The following EBNA1BP2 variants were observed in gnomAD, a reference collection of about 807,000 sequenced individuals.
EBNA1BP2 encodes the protein EBNA1 binding protein 2, also known as probable rRNA-processing protein EBP2.
A neutral mutation model predicts 43.5 loss-of-function variants in EBNA1BP2; 36 were observed. The observed-to-expected ratio is 0.83, with a 90% CI of 0.63 to 1.09. The LOEUF is 1.09. Ranked by LOEUF, EBNA1BP2 falls within the 50% of genes least tolerant of loss-of-function variation. EBNA1BP2 has a pLI of 0.00. For synonymous variants in EBNA1BP2, 127 were observed against 141.3 expected, an observed-to-expected ratio of 0.90 and a Z score of 0.72; for missense variants, 332 against 379.1, an observed-to-expected ratio of 0.88 and a Z score of 1.03.
chr1:43,169,175 C>T, intron 4 of EBNA1BP2, 147 bp from the exon 5 acceptor site: 7 of 821,288 alleles, frequency 8.5e-6, no homozygotes, highest in Non-Finnish European at 1.4e-5. Context: ...GACAATGGGG[C>T]CCACAGGCTG....
upstream of EBNA1BP2, chr1:43,172,525 A>T: frequency 8.2e-7 from 1 of 1,219,582 alleles, no homozygotes; most frequent in Non-Finnish European, 1.1e-6. Flanking sequence ...AGGCAGAAAA[A>T]GGAGCCGCGG....
chr1:43,166,175 T>C (rs940796433), intron 7 of EBNA1BP2, among the ~76,000 whole-genome samples: 4 of 152,210 alleles, frequency 2.6e-5, no homozygotes, highest in Admixed American at 1.3e-4. Flanking sequence ...TAGAAAGGCA[T>C]GGTAACTCGT....
rs958624040 is a variant in EBNA1BP2 at position 43,171,229 on chromosome 1, T to C, written c.323+250A>G. ...AATGTTTGTTTGTTTGTTTTCCTAA[T>C]AACTGAAGCATGCACAAAAAGTTTT... On this transcript the variant is annotated intron_variant, in intron 3 of 8. Transcript: ENST00000236051. The C allele has an allele frequency of 5.9e-6, 3 of 507,458 alleles. No individual in the cohort carries two copies. The African/African-American group carries it at 6.0e-5, about 10-fold the overall frequency. 31.4% of individuals were successfully genotyped at this position (507,458 alleles called of 1,614,324 possible). A position where few individuals can be genotyped will look rare whatever the true frequency, so the allele number is the denominator to read the frequency against.
At chr1:43,167,345 T>A in intron 5 of EBNA1BP2, 110 bp from the exon 6 acceptor site, 3 of 1,039,030 alleles carry the variant, frequency 2.9e-6, no homozygotes, top group Non-Finnish European at 4.5e-6. Flanking sequence ...TGACATTTAC[T>A]ACGTGCCAAA....
rs145309004 is a variant in EBNA1BP2 at position 43,169,809 on chromosome 1, C to T, written c.448-781G>A. 6.6e-4 allele frequency among the ~76,000 whole-genome samples: 100 copies of T among 152,278 alleles called. 1 individual carries two copies. The East Asian group carries it at 0.017, about 26-fold the overall frequency. ...CAGCAGAAAGTGAGTGACAGGCAAG[C>T]AAGCATTACCACCTGAGCTCCACCT... On this transcript the variant is annotated intron_variant, in intron 4 of 8. Transcript: ENST00000236051.
At chr1:43,172,375 G>A (rs1193813490), upstream of EBNA1BP2, 1 of 1,551,628 alleles carries the variant, frequency 6.4e-7, no homozygotes, top group South Asian at 1.2e-5. Context: ...GCGTTTGAAA[G>A]TGTCCGGGTT....
At chr1:43,167,273 T>C in intron 5 of EBNA1BP2, 38 bp from the exon 6 acceptor site, 8 of 1,580,592 alleles carry the variant, frequency 5.1e-6, no homozygotes, top group Non-Finnish European at 7.0e-6. Flanking sequence ...AGCCATTCCA[T>C]ACCATTACTC....
chr1:43,164,253 C>T lies in EBNA1BP2; in HGVS notation c.*190G>A, dbSNP rs1569717624. On this transcript the variant is annotated 3_prime_UTR_variant, in exon 9 of 9. Transcript: ENST00000236051. ...CAATGTCTAAATTATCAATAGATAG[C>T]AATGGAAAGTAACTTCTCAATCTTT... The T allele has an allele frequency of 1.6e-6, 1 of 622,508 alleles. No individual in the cohort carries two copies. The highest frequency in any genetic ancestry group is 2.8e-6 in the Non-Finnish European group (1 of 360,716). The allele number at this position is 622,508 out of a possible 1,614,324, so 38.6% of individuals were successfully genotyped here.
rs1644921885 is a variant in EBNA1BP2 at position 43,166,868 on chromosome 1, T to C, written c.665A>G (p.Gln222Arg). Residue 222 changes from glutamine to arginine, a missense_variant, in exon 7 of 9, where the codon CAG becomes CGG. This residue lies in a region of EBNA1BP2 where 91 missense variants were observed against 152.1 expected (regional missense o/e 0.60). Transcript: ENST00000236051. ...FLEGDQKPLA[Q>R]RKKAGAKGQQ... is the part of the protein sequence containing the mutation. ...GCCTTTGGCTCCTGCCTTCTTGCGC[T>C]GTGCCAGAGGTTTCTGATCTCCCTC... The C allele has an allele frequency of 9.9e-6, 16 of 1,612,694 alleles. No homozygotes were observed. Among genetic ancestry groups the C allele is most frequent in the Non-Finnish European group, 1.4e-5 (16 of 1,179,636 alleles).
chr1:43,172,322 C>T (rs1375695786), upstream of EBNA1BP2: 3 of 1,551,600 alleles, frequency 1.9e-6, no homozygotes, highest in African/African-American at 2.7e-5. Flanking sequence ...CTTCCGGCGG[C>T]AAACCATACT....
chr1:43,171,611 A>C lies in EBNA1BP2; in HGVS notation c.191T>G (p.Leu64Arg), dbSNP rs1644973173. Residue 64 changes from leucine to arginine, a missense_variant, in exon 3 of 9, where the codon CTG becomes CGG. Transcript: ENST00000236051. ...KQCLAEFKRD[L>R]EWVERLDVTL... Reference sequence around the variant, plus strand: ...CACATCGAGCCTTTCAACCCATTCCAGATCCCGCTTGAATTCTGCCAAACA... The same window carrying C: ...CACATCGAGCCTTTCAACCCATTCCCGATCCCGCTTGAATTCTGCCAAACA... 6.2e-7 allele frequency: 1 copy of C among 1,614,162 alleles called. No individual in the cohort carries two copies. The highest frequency in any genetic ancestry group is 8.5e-7 in the Non-Finnish European group (1 of 1,180,036).
Position 43,171,873 on chromosome 1 carries a change from T to A in EBNA1BP2, c.150+13A>T. 1 of 1,613,582 alleles carries A rather than the reference T, an allele frequency of 6.2e-7. No homozygotes were observed. Among genetic ancestry groups the A allele is most frequent in the Non-Finnish European group, 8.5e-7 (1 of 1,179,746 alleles). ...CCATGTCCGAGTACCCCCGACCCTG[T>A]GCCCACGCTCACCACGTCGTTCACG... On this transcript the variant is annotated intron_variant, in intron 2 of 8. Transcript: ENST00000236051.
In EBNA1BP2 at chr1:43,166,828, C is replaced by G; in HGVS notation, c.705G>C (p.Lys235Asn). The change falls in exon 7 of 9, where the codon AAG (lysine) becomes AAC (asparagine). Residue 235 changes from lysine (K) to asparagine (N), a missense_variant and splice_region_variant. Around this residue, in one of 3 missense-constraint regions of EBNA1BP2, gnomAD observed 91 missense variants for 152.1 expected, o/e 0.60. Transcript: ENST00000236051. ...KAGAKGQQMR[K>N]GPSAKRRYKN... ...AACCATGCCAAAACCCTTCTCACCC[C>G]TTCCTCATCTGCTGGCCTTTGGCTC... is the stretch of plus-strand genomic sequence containing the variant. 6.2e-7 allele frequency: 1 copy of G among 1,610,618 alleles called. No homozygotes were observed. The highest frequency in any genetic ancestry group is 1.1e-5 in the South Asian group (1 of 90,402).
Position 43,164,360 on chromosome 1 carries a change from C to T in EBNA1BP2, c.*83G>A. Reference sequence around the variant, plus strand: ...ATTGAAAGAAATGTTTACAACATGACACCAACAGAAGGGATCAAAGTGTGT... The same window carrying T: ...ATTGAAAGAAATGTTTACAACATGATACCAACAGAAGGGATCAAAGTGTGT... On this transcript the variant is annotated 3_prime_UTR_variant, in exon 9 of 9. Transcript: ENST00000236051. 1.3e-6 allele frequency: 2 copies of T among 1,530,506 alleles called. No individual in the cohort carries two copies. Among genetic ancestry groups the T allele is most frequent in the Non-Finnish European group, 1.8e-6 (2 of 1,106,694 alleles). The allele number at this position is 1,530,506 out of a possible 1,614,324, so 94.8% of individuals were successfully genotyped here.
intron 5 of EBNA1BP2, 113 bp from the exon 6 acceptor site, chr1:43,167,348 G>T (rs529870301): frequency 2.9e-6 from 3 of 1,019,072 alleles, no homozygotes; most frequent in African/African-American, 1.6e-5. Context: ...CATTTACTAC[G>T]TGCCAAAAAC....
At chr1:43,168,066 G>C (rs1644930345) in intron 5 of EBNA1BP2, among the ~76,000 whole-genome samples, 2 of 152,154 alleles carry the variant, frequency 1.3e-5, no homozygotes, top group African/African-American at 4.8e-5. Context: ...GGTAACTTTG[G>C]CTATGTTAAA....
chr1:43,170,303 G>A (rs1227061236), intron 4 of EBNA1BP2, among the ~76,000 whole-genome samples: 1 of 152,200 alleles, frequency 6.6e-6, no homozygotes, highest in African/African-American at 2.4e-5. Flanking sequence ...GTTAAATGAG[G>A]TCCAAGTTCT....
At position 43,164,356 on chromosome 1, in the gene EBNA1BP2, A is replaced by C; in HGVS notation, c.*87T>G. On this transcript the variant is annotated 3_prime_UTR_variant, in exon 9 of 9. Transcript: ENST00000236051. Reference sequence around the variant, plus strand: ...GTTTATTGAAAGAAATGTTTACAACATGACACCAACAGAAGGGATCAAAGT... The same window carrying C: ...GTTTATTGAAAGAAATGTTTACAACCTGACACCAACAGAAGGGATCAAAGT... 1 of 1,518,344 alleles carries C rather than the reference A, an allele frequency of 6.6e-7. No individual in the cohort carries two copies. The highest frequency in any genetic ancestry group is 9.1e-7 in the Non-Finnish European group (1 of 1,096,092). 94.1% of individuals were successfully genotyped at this position (1,518,344 alleles called of 1,614,324 possible). A position where few individuals can be genotyped will look rare whatever the true frequency, so the allele number is the denominator to read the frequency against.
At chr1:43,169,091 C>A in intron 4 of EBNA1BP2, 63 bp from the exon 5 acceptor site, 1 of 1,533,788 alleles carries the variant, frequency 6.5e-7, no homozygotes, top group South Asian at 1.1e-5. Flanking sequence ...ACTTAGGATT[C>A]GCTAGAGCAG....
Sources: gnomAD v4.1 joint callset for allele counts (sites outside exome capture counted in the v4.1 genomes callset) on GRCh38, gnomAD v4.1.1 for gene constraint, gnomAD v4.1.1 regional missense constraint, MANE v1.5 for transcripts, NCBI Gene and HGNC (gene_info 2026-07-23, HGNC 2026-07-21) for gene names.